The following DCAF13 variants were observed in gnomAD, a reference collection of about 807,000 sequenced individuals.
The protein encoded by DCAF13 is DDB1- and CUL4-associated factor 13.
DCAF13 carries 38 observed loss-of-function variants against 59.0 expected under a neutral mutation model. The observed-to-expected ratio is 0.64, with a 90% CI of 0.50 to 0.84. The LOEUF (loss-of-function observed/expected upper bound fraction) is 0.84. DCAF13 is among the 40% of genes least tolerant of loss of function. The probability of loss-of-function intolerance (pLI) is 0.00; values close to 1 mark genes in which losing one functional copy is unlikely to be tolerated. For missense variants in DCAF13, 469 were observed against 558.4 expected (o/e 0.84, Z 1.61); for synonymous variants, 173 against 175.0 (o/e 0.99, Z 0.09).
rs752596170 is a variant in DCAF13 at position 103,442,783 on chromosome 8, T to C, written c.1251-12T>C. 5.1e-6 allele frequency: 8 copies of C among 1,553,756 alleles called. No homozygotes were observed. The East Asian group carries it at 1.4e-4, about 27-fold the overall frequency. On this transcript the variant is annotated splice_polypyrimidine_tract_variant and intron_variant, in intron 10 of 10. Coordinates refer to ENST00000612750, the MANE Select transcript of DCAF13 (RefSeq NM_015420.7). ...CCATAACTTGCTTATATTTTGTATA[T>C]TTTATTTCTAGGGAAGTGAATCGTA...
chr8:103,441,373 G>A (rs1817008189), intron 9 of DCAF13, 82 bp from the exon 10 acceptor site: 4 of 1,337,052 alleles, frequency 3.0e-6, no homozygotes, highest in Admixed American at 5.3e-5. Context: ...TTAGGTTAGG[G>A]GGAAAAGGGT....
chr8:103,416,319 G>GAT (rs1172447005), intron 1 of DCAF13, among the ~76,000 whole-genome samples: 1 of 152,212 alleles, frequency 6.6e-6, no homozygotes, highest in East Asian at 1.9e-4. Flanking sequence ...CTGCTCAAAA[G>GAT]ATGTTTACAG....
At chr8:103,419,392 G>A (rs896789785) in intron 1 of DCAF13, among the ~76,000 whole-genome samples, 6 of 152,118 alleles carry the variant, frequency 3.9e-5, no homozygotes, top group East Asian at 1.9e-4. Flanking sequence ...GAGATTAAAC[G>A]GTTAAGGTTT....
At chr8:103,440,109 G>A (rs1415399990) in intron 8 of DCAF13, 27 bp from the exon 9 acceptor site, 15 of 1,517,184 alleles carry the variant, frequency 9.9e-6, no homozygotes, top group East Asian at 2.4e-5. Flanking sequence ...AAATCCAAAG[G>A]GTTTTAACTT....
chr8:103,419,989 C>T (rs915959995), intron 1 of DCAF13, among the ~76,000 whole-genome samples: 6 of 142,354 alleles, frequency 4.2e-5, no homozygotes, highest in East Asian at 2.1e-4. Context: ...AGCCTGGTGA[C>T]GGAGCAAGAC....
rs73287982 is a variant in DCAF13 at position 103,437,988 on chromosome 8, A to G, written c.951-2148A>G. Among the ~76,000 whole-genome samples, 150 of 152,294 alleles carry G rather than the reference A, an allele frequency of 9.8e-4. 1 individual carries two copies. Among genetic ancestry groups the G allele is most frequent in the African/African-American group, 3.2e-3 (135 of 41,566 alleles). On this transcript the variant is annotated intron_variant, in intron 8 of 10. Transcript: ENST00000612750. ...TCTCCTAATAGTAGAACTTTTGGTG[A>G]GCTTAATAAACTTAGCATATATGCA... is the stretch of plus-strand genomic sequence containing the variant.
intron 3 of DCAF13, among the ~76,000 whole-genome samples, chr8:103,422,507 A>G (rs749469380): frequency 6.6e-6 from 1 of 152,230 alleles, no homozygotes; most frequent in Non-Finnish European, 1.5e-5. Context: ...GTGAATGAGC[A>G]TAGTGTCCTA....
rs751926148 is a variant in DCAF13, at chr8:103,435,738, G to A, written c.898G>A (p.Ala300Thr). The part of the protein sequence containing the change: ...YSPTGKEFVS[A>T]SFDKSIRIFP... ...TCCCACTGGGAAGGAGTTTGTGTCT[G>A]CTAGTTTCGATAAATCTATTCGAAT... Residue 300 changes from alanine to threonine, a missense_variant, in exon 8 of 11, where the codon GCT becomes ACT. Transcript: ENST00000612750. The A allele has an allele frequency of 1.7e-5, 28 of 1,613,746 alleles. No individual in the cohort carries two copies. Among genetic ancestry groups the A allele is most frequent in the Non-Finnish European group, 2.4e-5 (28 of 1,179,792 alleles).
intron 4 of DCAF13, among the ~76,000 whole-genome samples, chr8:103,426,599 C>G (rs1054658337): frequency 6.6e-6 from 1 of 152,082 alleles, no homozygotes; most frequent in Non-Finnish European, 1.5e-5. Context: ...AATTATTCTG[C>G]AAATCAGGTG....
At chr8:103,434,373 T>G (rs1164295362) in intron 7 of DCAF13, among the ~76,000 whole-genome samples, 1 of 152,100 alleles carries the variant, frequency 6.6e-6, no homozygotes, top group Non-Finnish European at 1.5e-5. Context: ...ATTGATATGC[T>G]TAGAATTGGA....
chr8:103,423,323 A>AT (rs141623332), intron 3 of DCAF13, among the ~76,000 whole-genome samples: 6,651 of 152,128 alleles, frequency 0.044, 430 homozygotes, highest in African/African-American at 0.14. Context: ...GGATGAATGA[A>AT]TTTTAAAAAA....
chr8:103,417,889 G>T (rs892295131), intron 1 of DCAF13, among the ~76,000 whole-genome samples: 3 of 151,634 alleles, frequency 2.0e-5, no homozygotes, highest in Non-Finnish European at 4.4e-5. Context: ...GGAGGCCGAG[G>T]CGGGAAGATC....
intron 9 of DCAF13, 47 bp downstream of exon 9, chr8:103,440,318 T>G: frequency 7.0e-7 from 1 of 1,433,722 alleles, no homozygotes; most frequent in Non-Finnish European, 9.2e-7. Flanking sequence ...GATTTCTAAT[T>G]TTATTAGATA....
In DCAF13 at chr8:103,427,197, G is replaced by T. The variant is rs143548999; in HGVS notation, c.569G>T (p.Cys190Phe). ...GATGAACAAAGAACTAATCCTATAT[G>T]TTCAATGACCTGGGGATTTGACAGT... Reference protein sequence around the residue: ...IWDEQRTNPICSMTWGFDSIS... With the variant: ...IWDEQRTNPIFSMTWGFDSIS... Residue 190 changes from cysteine to phenylalanine, a missense_variant, in exon 5 of 11, where the codon TGT becomes TTT. Coordinates refer to ENST00000612750, the MANE Select transcript of DCAF13 (RefSeq NM_015420.7). 118 of 1,613,464 alleles carry T rather than the reference G, an allele frequency of 7.3e-5. No individual in the cohort carries two copies. The highest frequency in any genetic ancestry group is 9.9e-5 in the Non-Finnish European group (117 of 1,179,712).
intron 3 of DCAF13, 26 bp downstream of exon 3, chr8:103,421,108 A>C (rs1273512257): frequency 1.4e-6 from 2 of 1,403,600 alleles, no homozygotes; most frequent in South Asian, 2.3e-5. Flanking sequence ...TTAAGTCATT[A>C]AATTTGATCA....
At chr8:103,420,905 C>T in intron 2 of DCAF13, 70 bp from the exon 3 acceptor site, 1 of 1,099,354 alleles carries the variant, frequency 9.1e-7, no homozygotes, top group Non-Finnish European at 1.4e-6. Context: ...GTAGCCTTGT[C>T]AGTGTTGAAT....
intron 8 of DCAF13, chr8:103,439,445 G>A (rs1816977110): frequency 8.0e-6 from 1 of 124,240 alleles, no homozygotes; most frequent in South Asian, 2.6e-4. Context: ...CTGGAGTACA[G>A]TGGCACAATC....
chr8:103,420,179 C>A, intron 1 of DCAF13, 85 bp from the exon 2 acceptor site: 3 of 1,208,302 alleles, frequency 2.5e-6, no homozygotes, highest in Non-Finnish European at 3.6e-6. Context: ...TAACTAAATG[C>A]TTATTGAATA....
intron 10 of DCAF13, chr8:103,441,957 G>A (rs999963140): frequency 4.5e-5 from 9 of 200,008 alleles, no homozygotes; most frequent in Non-Finnish European, 7.0e-5. Context: ...AGTAGAGACA[G>A]GGTTTCACCA....
Sources: gnomAD v4.1 joint callset for allele counts (sites outside exome capture counted in the v4.1 genomes callset) on GRCh38, gnomAD v4.1.1 for gene constraint, MANE v1.5 for transcripts, NCBI Gene and HGNC (gene_info 2026-07-23, HGNC 2026-07-21) for gene names.